Variants in PTPRD observed in about 807,000 individuals in gnomAD.
PTPRD encodes protein tyrosine phosphatase receptor type D.
A neutral mutation model predicts 214.5 loss-of-function variants in PTPRD; 34 were observed. The observed-to-expected ratio is 0.16, with a 90% confidence interval of 0.12 to 0.21. The LOEUF is 0.21. Among genes scored for constraint, PTPRD ranks in the 10% least tolerant of loss-of-function variants. PTPRD has a pLI of 1.00. For missense variants in PTPRD, 2,545 were observed against 2,398.7 expected (o/e 1.06, Z -1.27); for synonymous variants, 1,128 against 845.7 (o/e 1.33, Z -5.79).
In PTPRD at chr9:10,488,994, T is replaced by A. The variant is rs543316749; in HGVS notation, c.-600+123404A>T. On this transcript the variant is annotated intron_variant, in intron 2 of 45. Coordinates refer to ENST00000381196, the MANE Select transcript of PTPRD (RefSeq NM_002839.4). ...CCTAATGTGCAAGACAAAGTTCCCT[T>A]TGTTTTTCCTTCCACTTTTCTTAGG... 1.3e-3 allele frequency among the ~76,000 whole-genome samples: 196 copies of A among 152,132 alleles called. 1 individual carries two copies. The highest frequency in any genetic ancestry group is 4.6e-3 in the African/African-American group (189 of 41,506).
chr9:8,789,907 C>T (rs937595899), intron 11 of PTPRD, among the ~76,000 whole-genome samples: 2 of 152,138 alleles, frequency 1.3e-5, no homozygotes, highest in Non-Finnish European at 2.9e-5. Context: ...AGTTCTTAAA[C>T]AAGACACAAA....
rs557471805 is a variant in PTPRD at position 10,490,644 on chromosome 9, T to C, written c.-600+121754A>G. Among the ~76,000 whole-genome samples the C allele has an allele frequency of 6.6e-5, 10 of 152,298 alleles. No individual in the cohort carries two copies. The South Asian group carries it at 1.9e-3, about 28-fold the overall frequency. On this transcript the variant is annotated intron_variant, in intron 2 of 45. Transcript: ENST00000381196. The stretch of plus-strand genomic sequence containing the variant: ...GTCTCAATTTGCTTTTCAATTTTTC[T>C]CTATATTCTCCTTATGTAAGTTACA...
At chr9:10,258,952 AT>A (rs2093489831) in intron 3 of PTPRD, among the ~76,000 whole-genome samples, 1 of 152,150 alleles carries the variant, frequency 6.6e-6, no homozygotes. Flanking sequence ...TGTTGAACTT[AT>A]TTGTTTATAA....
intron 2 of PTPRD, among the ~76,000 whole-genome samples, chr9:10,441,649 C>T (rs1163384040): frequency 6.6e-6 from 1 of 151,444 alleles, no homozygotes; most frequent in Non-Finnish European, 1.5e-5. Context: ...TTGGTATTTA[C>T]ACTTAACCAT....
intron 11 of PTPRD, among the ~76,000 whole-genome samples, chr9:8,852,649 G>C (rs1033222433): frequency 2.0e-5 from 3 of 152,168 alleles, no homozygotes; most frequent in African/African-American, 7.2e-5. Flanking sequence ...GACAGAATGA[G>C]CTGTCTTAGC....
Position 8,328,743 on chromosome 9 carries a change from C to G in PTPRD, c.5534+2839G>C, listed in dbSNP as rs548350127. Among the ~76,000 whole-genome samples, 79 of 152,150 alleles carry G rather than the reference C, an allele frequency of 5.2e-4. No homozygotes were observed. The South Asian group carries it at 0.016, about 30-fold the overall frequency. ...TGTTCATTTCTTTTTACTCTTTTCTCTAATCTTGTCTTCATGCTTTATTTC... is the reference window on the plus strand; with the variant it reads ...TGTTCATTTCTTTTTACTCTTTTCTGTAATCTTGTCTTCATGCTTTATTTC... On this transcript the variant is annotated intron_variant, in intron 44 of 45. Coordinates refer to ENST00000381196, the MANE Select transcript of PTPRD (RefSeq NM_002839.4).
intron 11 of PTPRD, among the ~76,000 whole-genome samples, chr9:8,982,241 G>C (rs2099316476): frequency 6.6e-6 from 1 of 151,862 alleles, no homozygotes; most frequent in Admixed American, 6.6e-5. Flanking sequence ...TATTCCAATG[G>C]CTCATTGTAG....
intron 10 of PTPRD, among the ~76,000 whole-genome samples, chr9:9,141,503 A>G (rs2099860397): frequency 6.6e-6 from 1 of 151,820 alleles, no homozygotes; most frequent in Non-Finnish European, 1.5e-5. Flanking sequence ...GTAGTTTATT[A>G]TTTTTCCACT....
intron 11 of PTPRD, among the ~76,000 whole-genome samples, chr9:8,929,843 G>GTATATATGTGTATATA (rs1588232576): frequency 2.2e-4 from 10 of 46,228 alleles, no homozygotes; most frequent in East Asian, 1.8e-3. Flanking sequence ...GTATATATAT[G>GTATATATGTGTATATA]TGTGTATATA....
intron 5 of PTPRD, among the ~76,000 whole-genome samples, chr9:9,797,417 G>T (rs991352495): frequency 2.0e-5 from 3 of 151,780 alleles, no homozygotes; most frequent in African/African-American, 7.3e-5. Context: ...GTTTAAGAAA[G>T]TAGTAGTTAA....
At chr9:10,464,484 C>T (rs2098980362) in intron 2 of PTPRD, among the ~76,000 whole-genome samples, 1 of 127,230 alleles carries the variant, frequency 7.9e-6, no homozygotes, top group Admixed American at 7.6e-5. Context: ...GGGAGAAAGA[C>T]AGGAAGATGA....
At chr9:10,443,903 C>CA (rs1195713936) in intron 2 of PTPRD, among the ~76,000 whole-genome samples, 7 of 148,122 alleles carry the variant, frequency 4.7e-5, no homozygotes, top group Admixed American at 2.7e-4. Context: ...TCCTAGAATT[C>CA]ATTTTTTTTT....
intron 12 of PTPRD, among the ~76,000 whole-genome samples, chr9:8,721,584 A>C (rs371584086): frequency 7.9e-5 from 12 of 152,220 alleles, no homozygotes; most frequent in African/African-American, 2.9e-4. Context: ...AAAATAGTTT[A>C]TAATAATGGC....
chr9:8,702,043 AT>A lies in PTPRD; in HGVS notation c.64+31736del, dbSNP rs534848732. 2.6e-5 allele frequency among the ~76,000 whole-genome samples: 4 copies of A among 151,782 alleles called. No homozygotes were observed. The South Asian group carries it at 8.3e-4, about 32-fold the overall frequency. On this transcript the variant is annotated intron_variant, in intron 12 of 45. Transcript: ENST00000381196. ...ATAGAAGGCCTTGGCAGACCACTTT[AT>A]TTTTTTTAACGTGAGGACTCTCAAT...
chr9:9,228,782 T>A (rs185659554), intron 9 of PTPRD, among the ~76,000 whole-genome samples: 1 of 152,296 alleles, frequency 6.6e-6, no homozygotes, highest in East Asian at 1.9e-4. Context: ...ACTATTAATT[T>A]CTTTTCCTTT....
chr9:8,337,131 A>T (rs559086419), intron 43 of PTPRD, among the ~76,000 whole-genome samples: 3 of 152,228 alleles, frequency 2.0e-5, no homozygotes, highest in Non-Finnish European at 2.9e-5. Flanking sequence ...TCATTCTACT[A>T]TAAAGACACA....
At chr9:8,583,267 G>T (rs2093344073) in intron 14 of PTPRD, among the ~76,000 whole-genome samples, 1 of 151,966 alleles carries the variant, frequency 6.6e-6, no homozygotes, top group African/African-American at 2.4e-5. Flanking sequence ...GTGCAGCCCA[G>T]TTCTTAACAG....
intron 4 of PTPRD, among the ~76,000 whole-genome samples, chr9:9,943,267 C>T (rs1297987794): frequency 6.6e-6 from 1 of 152,086 alleles, no homozygotes; most frequent in African/African-American, 2.4e-5. Context: ...AATATTTTGT[C>T]AGAGGGCTGC....
chr9:10,281,805 A>C (rs1015664969), intron 3 of PTPRD, among the ~76,000 whole-genome samples: 6 of 152,204 alleles, frequency 3.9e-5, no homozygotes, highest in African/African-American at 1.4e-4. Flanking sequence ...TACAATTTTA[A>C]AAATGACTCG....
Sources: gnomAD v4.1 joint callset for allele counts (sites outside exome capture counted in the v4.1 genomes callset) on GRCh38, gnomAD v4.1.1 for gene constraint, MANE v1.5 for transcripts, NCBI Gene and HGNC (gene_info 2026-07-23, HGNC 2026-07-21) for gene names.